CDC5L: variants seen among roughly 807,000 people sequenced by gnomAD.
CDC5L encodes cell division cycle 5-like protein.
CDC5L carries 18 observed loss-of-function variants against 104.1 expected under a neutral mutation model. That is an observed-to-expected ratio of 0.17 (90% CI 0.12 to 0.26). CDC5L has a LOEUF of 0.26. Ranked by LOEUF, CDC5L falls within the 10% of genes least tolerant of loss-of-function variation. The pLI is 1.00. For missense variants in CDC5L, 673 were observed against 956.9 expected (o/e 0.70, Z 3.91); for synonymous variants, 331 against 322.7 (o/e 1.03, Z -0.28).
Position 44,429,863 on chromosome 6 carries a change from C to G in CDC5L, c.2044C>G (p.Leu682Val). 1 of 1,613,982 alleles carries G rather than the reference C, an allele frequency of 6.2e-7. No homozygotes were observed. The highest frequency in any genetic ancestry group is 8.5e-7 in the Non-Finnish European group (1 of 1,179,912). Residue 682 changes from leucine to valine, a missense_variant, in exon 14 of 16, where the codon CTG becomes GTG. By Grantham distance (32) the Leu-to-Val change is conservative (BLOSUM62 1). Coordinates refer to ENST00000371477, the MANE Select transcript of CDC5L (RefSeq NM_001253.4). Reference sequence around the variant, plus strand: ...GCAGAGCCGCTACACACGGGCCAATCTGGCTAGTAAAAAGGACAGAATTGA... The same window carrying G: ...GCAGAGCCGCTACACACGGGCCAATGTGGCTAGTAAAAAGGACAGAATTGA... ...PGQSRYTRANLASKKDRIESL... is the reference protein window; with the variant it reads ...PGQSRYTRANVASKKDRIESL...
chr6:44,409,145 C>T (rs1193452635), intron 8 of CDC5L, among the ~76,000 whole-genome samples: 1 of 152,210 alleles, frequency 6.6e-6, no homozygotes, highest in East Asian at 1.9e-4. Context: ...CTCTAATAGT[C>T]AGGAATATAA....
intron 1 of CDC5L, among the ~76,000 whole-genome samples, chr6:44,388,078 A>G (rs570792310): frequency 6.6e-6 from 1 of 150,832 alleles, no homozygotes; most frequent in African/African-American, 2.5e-5. Context: ...CCACCTGGCT[A>G]CTCGGCTCCA....
chr6:44,418,161 A>G (rs1014457536), intron 8 of CDC5L, among the ~76,000 whole-genome samples: 9 of 151,720 alleles, frequency 5.9e-5, no homozygotes, highest in Non-Finnish European at 1.3e-4. Context: ...CCACCCTCCA[A>G]CAGTCCCCGG....
At chr6:44,438,603 A>C (rs1793042336) in intron 14 of CDC5L, among the ~76,000 whole-genome samples, 1 of 150,678 alleles carries the variant, frequency 6.6e-6, no homozygotes, top group African/African-American at 2.4e-5. Context: ...GAAGAGAGTG[A>C]GTACAAATTA....
chr6:44,407,481 C>T (rs1232537648), intron 7 of CDC5L, among the ~76,000 whole-genome samples: 1 of 152,182 alleles, frequency 6.6e-6, no homozygotes, highest in Non-Finnish European at 1.5e-5. Flanking sequence ...CGTGCGCCAC[C>T]ATGCCCCGCT....
intron 14 of CDC5L, among the ~76,000 whole-genome samples, chr6:44,435,133 T>G (rs552163915): frequency 6.7e-6 from 1 of 149,556 alleles, no homozygotes; most frequent in East Asian, 2.0e-4. Context: ...TTTAAATGTT[T>G]GGATGAAGGT....
Position 44,446,754 on chromosome 6 carries a change from T to G in CDC5L, c.*43T>G. ...GTCACAGGATTAATTAATTGCCGGT[T>G]TTCATACTCTAGAAGGCTGAAACTG... On this transcript the variant is annotated 3_prime_UTR_variant, in exon 16 of 16. Coordinates refer to ENST00000371477, the MANE Select transcript of CDC5L (RefSeq NM_001253.4). The G allele has an allele frequency of 1.6e-5, 15 of 944,690 alleles. No homozygotes were observed. Among genetic ancestry groups the G allele is most frequent in the Non-Finnish European group, 2.3e-5 (14 of 603,780 alleles). The allele number at this position is 944,690 out of a possible 1,614,324, so 58.5% of individuals were successfully genotyped here.
At chr6:44,424,221 C>G (rs891788518) in intron 10 of CDC5L, among the ~76,000 whole-genome samples, 198 bp from the exon 11 acceptor site, 1 of 151,976 alleles carries the variant, frequency 6.6e-6, no homozygotes, top group African/African-American at 2.4e-5. Flanking sequence ...ATAATCATAT[C>G]GTGGAAAATG....
intron 11 of CDC5L, among the ~76,000 whole-genome samples, chr6:44,424,811 A>G (rs1446892839): frequency 2.6e-5 from 4 of 152,234 alleles, no homozygotes; most frequent in South Asian, 2.1e-4. Context: ...AAATTTAAAT[A>G]CATTCTGTCA....
chr6:44,403,496 A>G (rs765452406), intron 5 of CDC5L, among the ~76,000 whole-genome samples: 7 of 152,172 alleles, frequency 4.6e-5, no homozygotes, highest in Non-Finnish European at 5.9e-5. Flanking sequence ...GAGTGGATTA[A>G]AAGGAAAAAA....
intron 11 of CDC5L, among the ~76,000 whole-genome samples, chr6:44,424,951 A>T (rs1439989751): frequency 6.6e-6 from 1 of 152,142 alleles, no homozygotes; most frequent in African/African-American, 2.4e-5. Context: ...GCGATGTACG[A>T]GCCTGTAGTC....
At chr6:44,403,341 A>C (rs1340464680) in intron 5 of CDC5L, among the ~76,000 whole-genome samples, 3 of 152,050 alleles carry the variant, frequency 2.0e-5, no homozygotes, top group Non-Finnish European at 4.4e-5. Flanking sequence ...AAAAAAAAAA[A>C]AAAACTTTGC....
intron 8 of CDC5L, among the ~76,000 whole-genome samples, chr6:44,415,068 A>G (rs1242219081): frequency 1.3e-5 from 2 of 152,158 alleles, no homozygotes; most frequent in Admixed American, 6.5e-5. Context: ...AGCAGCCCTT[A>G]AAAAAATCAA....
intron 8 of CDC5L, among the ~76,000 whole-genome samples, chr6:44,411,631 A>AGTGTGTGTGT (rs756188413): frequency 0.2 from 1,874 of 9,150 alleles, 26 homozygotes; most frequent in Non-Finnish European, 0.3. Context: ...AGAGAGAGAG[A>AGTGTGTGTGT]GAGAGAGTGT....
At chr6:44,442,151 G>A (rs569608235) in intron 14 of CDC5L, among the ~76,000 whole-genome samples, 1 of 151,880 alleles carries the variant, frequency 6.6e-6, no homozygotes, top group Non-Finnish European at 1.5e-5. Flanking sequence ...TGGCCAGAAT[G>A]GTATTGATCT....
chr6:44,403,994 T>C lies in CDC5L; in HGVS notation c.725T>C (p.Leu242Ser), dbSNP rs752794499. The C allele has an allele frequency of 3.1e-6, 5 of 1,612,180 alleles. No individual in the cohort carries two copies. The South Asian group carries it at 5.5e-5, about 18-fold the overall frequency. Residue 242 changes from leucine (L) to serine (S), a missense_variant, in exon 6 of 16, where the codon TTA becomes TCA. Physicochemically the swap from Leu to Ser is moderately radical, Grantham distance 145. Transcript: ENST00000371477. ...YQALDADFRK[L>S]RQQDLDGELR... ...GCTCTTGACGCAGATTTCAGGAAAT[T>C]AAGACAACAGGATCTTGATGGGGAG...
intron 1 of CDC5L, among the ~76,000 whole-genome samples, chr6:44,388,144 A>ACCCCCCCCCCC (rs1790424578): frequency 6.7e-5 from 3 of 44,794 alleles, no homozygotes; most frequent in Admixed American, 1.6e-4. Flanking sequence ...GCCCCCTCCC[A>ACCCCCCCCCCC]CCCCGCCCCC....
intron 15 of CDC5L, among the ~76,000 whole-genome samples, chr6:44,446,219 C>T (rs540360217): frequency 3.9e-5 from 6 of 152,264 alleles, no homozygotes; most frequent in African/African-American, 1.4e-4. Flanking sequence ...TTGTTTTATA[C>T]CTTATGTTGC....
chr6:44,444,397 G>C (rs889555242), intron 14 of CDC5L, among the ~76,000 whole-genome samples: 6 of 152,152 alleles, frequency 3.9e-5, no homozygotes, highest in African/African-American at 1.4e-4. Context: ...TCTGTGTGGA[G>C]CTATAAAAGT....
Sources: allele counts gnomAD v4.1 joint callset (sites outside exome capture counted in the v4.1 genomes callset), GRCh38; gene constraint gnomAD v4.1.1; transcripts MANE v1.5; gene names NCBI Gene and HGNC (gene_info 2026-07-23, HGNC 2026-07-21).